Variants in DHX36 observed in about 807,000 individuals in gnomAD.
The protein encoded by DHX36 is ATP-dependent DNA/RNA helicase DHX36.
In DHX36, 50 loss-of-function variants were observed where a neutral mutation model predicts 139.0. The ratio of observed to expected loss-of-function variants is 0.36; its 90% CI spans 0.29 to 0.46. The LOEUF is 0.46. Among genes scored for constraint, DHX36 ranks in the 20% least tolerant of loss-of-function variants. DHX36 has a pLI of 1.00. For missense variants in DHX36, 1,024 were observed against 1,211.3 expected (o/e 0.85, Z 2.29); for synonymous variants, 425 against 401.9 (o/e 1.06, Z -0.69).
At chr3:154,312,850 AAAAT>A (rs1712812441) in intron 3 of DHX36, among the ~76,000 whole-genome samples, 1 of 72,334 alleles carries the variant, frequency 1.4e-5, no homozygotes. Context: ...GGAAATAATT[AAAAT>A]ATATATATAT....
chr3:154,317,098 T>G (rs184168493), intron 1 of DHX36, among the ~76,000 whole-genome samples: 84 of 151,936 alleles, frequency 5.5e-4, no homozygotes, highest in Non-Finnish European at 1.5e-4. Context: ...TTGGTGGAAG[T>G]TGGGGAGAGA....
intron 23 of DHX36, 56 bp downstream of exon 23, chr3:154,277,542 T>C (rs1440583510): frequency 6.7e-7 from 1 of 1,503,600 alleles, no homozygotes; most frequent in African/African-American, 1.4e-5. Context: ...TACACAATCA[T>C]AAAAATACAA....
rs1719087462 is a variant in DHX36, at chr3:154,274,445, T to A, written c.*1726A>T. On this transcript the variant is annotated 3_prime_UTR_variant, in exon 25 of 25. Transcript: ENST00000496811. ...ACATGTAAAGCAGCTCTAGAATGGGTTAATTCTGAAGCTTACCGGCATTAT... is the reference window on the plus strand; with the variant it reads ...ACATGTAAAGCAGCTCTAGAATGGGATAATTCTGAAGCTTACCGGCATTAT... 6.5e-6 allele frequency: 1 copy of A among 153,018 alleles called. No homozygotes were observed. The highest frequency in any genetic ancestry group is 6.5e-5 in the Admixed American group (1 of 15,290). 9.5% of individuals were successfully genotyped at this position (153,018 alleles called of 1,614,324 possible).
At chr3:154,316,306 C>T in intron 1 of DHX36, 143 bp from the exon 2 acceptor site, 1 of 970,220 alleles carries the variant, frequency 1.0e-6, no homozygotes, top group Non-Finnish European at 1.5e-6. Flanking sequence ...TGTCCTCTAG[C>T]CCAATACCCC....
At chr3:154,307,945 G>T (rs549934382) in intron 5 of DHX36, among the ~76,000 whole-genome samples, 19 of 152,104 alleles carry the variant, frequency 1.2e-4, no homozygotes, top group Non-Finnish European at 1.9e-4. Context: ...CTATTTAGCT[G>T]TAAGAGTGAA....
chr3:154,277,496 C>T lies in DHX36; in HGVS notation c.2688+102G>A. 3 of 1,256,774 alleles carry T rather than the reference C, an allele frequency of 2.4e-6. No individual in the cohort carries two copies. In the South Asian group the frequency reaches 7.0e-5, roughly 29 times the overall value. 77.9% of individuals were successfully genotyped at this position (1,256,774 alleles called of 1,614,324 possible). A position where few individuals can be genotyped will look rare whatever the true frequency, so the allele number is the denominator to read the frequency against. ...TTACTCACGTCACAGGAATAAGACA[C>T]AACAAAAAAAAAATTTTGTATATAA... On this transcript the variant is annotated intron_variant, in intron 23 of 24. Transcript: ENST00000496811.
intron 9 of DHX36, among the ~76,000 whole-genome samples, chr3:154,302,409 G>A (rs1010632670): frequency 1.3e-5 from 2 of 152,176 alleles, no homozygotes; most frequent in Non-Finnish European, 1.5e-5. Flanking sequence ...TATAAAGTAT[G>A]CTGGGCAAGA....
In DHX36 at chr3:154,308,129, G is replaced by C. The variant is rs143449152; in HGVS notation, c.813+1524C>G. 1.2e-3 allele frequency among the ~76,000 whole-genome samples: 179 copies of C among 152,318 alleles called. 1 individual carries two copies. The highest frequency in any genetic ancestry group is 3.9e-3 in the African/African-American group (163 of 41,578). ...ACTTAATGGGTACAATGTATATGAT[G>C]TGGGTGATGGACAACCTAGAAGCTC... On this transcript the variant is annotated intron_variant, in intron 5 of 24. Transcript: ENST00000496811.
intron 19 of DHX36, among the ~76,000 whole-genome samples, chr3:154,284,182 G>T (rs1719427720): frequency 6.6e-6 from 1 of 151,934 alleles, no homozygotes; most frequent in Non-Finnish European, 1.5e-5. Context: ...ATAGATTTTG[G>T]TTTTTTGGTT....
In DHX36 at chr3:154,277,648, CTGTT is replaced by C; in HGVS notation, c.2634_2637del (p.Asp880PhefsTer10). On this transcript the variant is annotated frameshift_variant, in exon 23 of 25. Coordinates refer to ENST00000496811, the MANE Select transcript of DHX36 (RefSeq NM_020865.3). LOFTEE classifies it high-confidence loss of function. ...TAGATAAGCCAGTTGTAGTGAAAGTCTGTTTGCTCCACATTAACAGATTTAGGAT... is the reference window on the plus strand; with the variant it reads ...TAGATAAGCCAGTTGTAGTGAAAGTCTGCTCCACATTAACAGATTTAGGAT... 6.2e-7 allele frequency: 1 copy of C among 1,612,452 alleles called. No homozygotes were observed. Among genetic ancestry groups the C allele is most frequent in the Non-Finnish European group, 8.5e-7 (1 of 1,178,904 alleles).
intron 19 of DHX36, among the ~76,000 whole-genome samples, chr3:154,283,532 C>T (rs1215358966): frequency 6.6e-6 from 1 of 151,962 alleles, no homozygotes; most frequent in Admixed American, 6.6e-5. Context: ...GTATTTTACA[C>T]AAAATGGCAT....
intron 1 of DHX36, among the ~76,000 whole-genome samples, chr3:154,322,236 T>A (rs752027973): frequency 6.6e-6 from 1 of 152,224 alleles, no homozygotes; most frequent in South Asian, 2.1e-4. Context: ...GAAGCCGTAT[T>A]ACCAAGATTT....
chr3:154,279,389 C>T (rs1275392139), intron 22 of DHX36: 1 of 152,138 alleles, frequency 6.6e-6, no homozygotes, highest in East Asian at 1.9e-4. Flanking sequence ...TCAGAAAGCC[C>T]TCCCAGGATG....
rs1456103840 is a variant in DHX36 at position 154,273,054 on chromosome 3, T to C, written c.*3117A>G. On this transcript the variant is annotated 3_prime_UTR_variant, in exon 25 of 25. Transcript: ENST00000496811. ...AGTAGTTTAATTTCTTTTGTTTTTT[T>C]CCTGAAAGTTTCTGTTTCAGGTTTT... 3 of 152,128 alleles carry C rather than the reference T, an allele frequency of 2.0e-5. No homozygotes were observed. Among genetic ancestry groups the C allele is most frequent in the Non-Finnish European group, 4.4e-5 (3 of 68,020 alleles). 9.4% of individuals were successfully genotyped at this position (152,128 alleles called of 1,614,324 possible).
rs1437272830 is a variant in DHX36, at chr3:154,303,706, G to A, written c.1136-296C>T. ...TGAACTCAAAATCCATTAGTTAGAAGTCTATTTTCTCTTCATCATTAACCC... is the reference window on the plus strand; with the variant it reads ...TGAACTCAAAATCCATTAGTTAGAAATCTATTTTCTCTTCATCATTAACCC... On this transcript the variant is annotated intron_variant, in intron 8 of 24. Coordinates refer to ENST00000496811, the MANE Select transcript of DHX36 (RefSeq NM_020865.3). Among the ~76,000 whole-genome samples, 5 of 152,140 alleles carry A rather than the reference G, an allele frequency of 3.3e-5. No homozygotes were observed. The East Asian group carries it at 9.6e-4, about 29-fold the overall frequency.
intron 1 of DHX36, among the ~76,000 whole-genome samples, chr3:154,323,108 G>A (rs1223692490): frequency 1.3e-5 from 2 of 152,182 alleles, no homozygotes; most frequent in East Asian, 3.8e-4. Flanking sequence ...GCCGAGTTGG[G>A]TGGATCACCT....
In DHX36 at chr3:154,303,368, A is replaced by G; in HGVS notation, c.1178T>C (p.Val393Ala). 1 of 1,608,200 alleles carries G rather than the reference A, an allele frequency of 6.2e-7. No homozygotes were observed. Among genetic ancestry groups the G allele is most frequent in the Non-Finnish European group, 8.5e-7 (1 of 1,177,532 alleles). The stretch of plus-strand genomic sequence containing the variant: ...TACATCTTCCAAAAGATATTCCACA[A>G]CCGGAAAGGTAAAACCAGGTATATG... Reference protein sequence around the residue: ...MIHIPGFTFPVVEYLLEDVIE... With the variant: ...MIHIPGFTFPAVEYLLEDVIE... The change falls in exon 9 of 25, where the codon GTT becomes GCT. Residue 393 changes from valine (V) to alanine (A), a missense_variant. Val to Ala is a moderately conservative substitution (Grantham distance 64, BLOSUM62 0). Coordinates refer to ENST00000496811, the MANE Select transcript of DHX36 (RefSeq NM_020865.3).
chr3:154,300,545 T>C, intron 11 of DHX36, 49 bp downstream of exon 11: 1 of 1,447,598 alleles, frequency 6.9e-7, no homozygotes, highest in Non-Finnish European at 9.6e-7. Flanking sequence ...CCTTGATACG[T>C]TAATAAAATT....
intron 15 of DHX36, among the ~76,000 whole-genome samples, chr3:154,291,192 G>A (rs1201518017): frequency 7.2e-6 from 1 of 138,118 alleles, no homozygotes; most frequent in African/African-American, 2.7e-5. Flanking sequence ...ACATACTATA[G>A]CTTTTTCTGA....
Sources: gnomAD v4.1 joint callset for allele counts (sites outside exome capture counted in the v4.1 genomes callset) on GRCh38, gnomAD v4.1.1 for gene constraint, MANE v1.5 for transcripts, NCBI Gene and HGNC (gene_info 2026-07-23, HGNC 2026-07-21) for gene names.